The following DTNA variants were observed in gnomAD, a reference collection of about 807,000 sequenced individuals.
The protein encoded by DTNA is dystrophin-related protein 3.
DTNA carries 43 observed loss-of-function variants against 100.7 expected under a neutral mutation model. That is an observed-to-expected ratio of 0.43 (90% CI 0.33 to 0.55). The LOEUF (loss-of-function observed/expected upper bound fraction) is 0.55. Among genes scored for constraint, DTNA ranks in the 20% least tolerant of loss-of-function variants. The probability of loss-of-function intolerance (pLI) is 0.04; values close to 1 mark genes in which losing one functional copy is unlikely to be tolerated. For missense variants in DTNA, 798 were observed against 953.9 expected, an observed-to-expected ratio of 0.84 and a Z score of 2.15; for synonymous variants, 349 against 347.9, an observed-to-expected ratio of 1.00 and a Z score of -0.04.
intron 1 of DTNA, among the ~76,000 whole-genome samples, chr18:34,676,877 C>G (rs1485851816): frequency 1.3e-5 from 2 of 152,096 alleles, no homozygotes; most frequent in East Asian, 3.9e-4. Flanking sequence ...ATTTGTATTC[C>G]CACCCAATGT....
chr18:34,865,715 G>A (rs535368347), intron 17 of DTNA, among the ~76,000 whole-genome samples: 1 of 152,262 alleles, frequency 6.6e-6, no homozygotes, highest in African/African-American at 2.4e-5. Context: ...TCCCCTCAGT[G>A]AATGACAGGA....
At chr18:34,632,478 T>G (rs2058194839) in intron 1 of DTNA, among the ~76,000 whole-genome samples, 1 of 152,188 alleles carries the variant, frequency 6.6e-6, no homozygotes, top group African/African-American at 2.4e-5. Flanking sequence ...CCTAGTGCTA[T>G]TTTGGAAAAG....
chr18:34,697,645 A>G (rs2080767360), intron 1 of DTNA, among the ~76,000 whole-genome samples: 1 of 152,152 alleles, frequency 6.6e-6, no homozygotes. Flanking sequence ...GAGTGCAGAA[A>G]AGGCCTAATT....
intron 1 of DTNA, among the ~76,000 whole-genome samples, chr18:34,575,776 T>C (rs2048056414): frequency 6.6e-6 from 1 of 152,214 alleles, no homozygotes; most frequent in Admixed American, 6.5e-5. Context: ...TTGTGTAACA[T>C]CAACCATCAT....
intron 3 of DTNA, among the ~76,000 whole-genome samples, chr18:34,775,427 A>G (rs1336182930): frequency 1.3e-5 from 2 of 152,204 alleles, no homozygotes; most frequent in Non-Finnish European, 2.9e-5. Flanking sequence ...CGGAGCTTGC[A>G]GTGAGCCAAG....
At chr18:34,678,436 G>A (rs1045810946) in intron 1 of DTNA, among the ~76,000 whole-genome samples, 2 of 152,072 alleles carry the variant, frequency 1.3e-5, no homozygotes, top group African/African-American at 4.8e-5. Context: ...AAGGTGCAGA[G>A]CTGGGTTCCT....
chr18:34,598,217 CT>C (rs71159880), intron 1 of DTNA, among the ~76,000 whole-genome samples: 605 of 137,726 alleles, frequency 4.4e-3, no homozygotes, highest in Middle Eastern at 7.4e-3. Context: ...TTCTTTCTTT[CT>C]TTTTTTTTTT....
intron 12 of DTNA, 90 bp from the exon 13 acceptor site, chr18:34,838,654 CT>C: frequency 8.9e-7 from 1 of 1,128,134 alleles, no homozygotes; most frequent in African/African-American, 1.5e-5. Flanking sequence ...TTCTAAATGC[CT>C]TTTCTACCAA....
chr18:34,788,880 A>T (rs1037980056), intron 3 of DTNA, among the ~76,000 whole-genome samples: 4 of 152,242 alleles, frequency 2.6e-5, no homozygotes, highest in African/African-American at 9.6e-5. Flanking sequence ...GTAGTAGAAT[A>T]GTATGGCTTT....
chr18:34,775,550 A>G (rs1474756215), intron 3 of DTNA, among the ~76,000 whole-genome samples: 1 of 152,240 alleles, frequency 6.6e-6, no homozygotes, highest in Non-Finnish European at 1.5e-5. Context: ...GCCGTAGAAG[A>G]GAAAATCAGA....
At chr18:34,635,921 A>C (rs79513094) in intron 1 of DTNA, among the ~76,000 whole-genome samples, 1 of 152,006 alleles carries the variant, frequency 6.6e-6, no homozygotes, top group East Asian at 1.9e-4. Flanking sequence ...AAAAAAAAAA[A>C]CCTGTGAAAT....
intron 1 of DTNA, among the ~76,000 whole-genome samples, chr18:34,500,525 A>G (rs886879722): frequency 6.6e-6 from 1 of 151,304 alleles, no homozygotes; most frequent in African/African-American, 2.4e-5. Context: ...GCGCAATAGC[A>G]CGATCTATGC....
intron 1 of DTNA, among the ~76,000 whole-genome samples, chr18:34,575,299 A>C (rs2048007338): frequency 6.6e-6 from 1 of 150,426 alleles, no homozygotes. Context: ...ATATTTGATT[A>C]TTTTTTCAAG....
intron 1 of DTNA, among the ~76,000 whole-genome samples, chr18:34,599,675 T>C (rs1003015561): frequency 2.6e-5 from 4 of 152,046 alleles, no homozygotes; most frequent in Admixed American, 1.3e-4. Context: ...TGGTTGTCGT[T>C]GTTTTGTTTT....
intron 14 of DTNA, 79 bp downstream of exon 14, chr18:34,848,462 T>C (rs2096419317): frequency 5.0e-6 from 7 of 1,407,276 alleles, no homozygotes; most frequent in Non-Finnish European, 7.0e-6. Flanking sequence ...ATTGTTATTA[T>C]AGCTGGTGCT....
intron 3 of DTNA, among the ~76,000 whole-genome samples, chr18:34,781,724 G>C (rs1459315693): frequency 1.3e-5 from 2 of 152,068 alleles, no homozygotes; most frequent in African/African-American, 4.8e-5. Flanking sequence ...AAATAAAGTG[G>C]ATTTTCTGTT....
chr18:34,849,275 A>C (rs143294938), intron 14 of DTNA, among the ~76,000 whole-genome samples: 1 of 152,378 alleles, frequency 6.6e-6, no homozygotes, highest in African/African-American at 2.4e-5. Context: ...CAGGAGAATT[A>C]GATTTTAGGA....
At chr18:34,714,922 C>T (rs1474721051) in intron 1 of DTNA, among the ~76,000 whole-genome samples, 4 of 151,888 alleles carry the variant, frequency 2.6e-5, no homozygotes, top group Non-Finnish European at 4.4e-5. Context: ...ATGGATGAAA[C>T]TGGAAATCAT....
At chr18:34,561,198 C>T (rs1459371411) in intron 1 of DTNA, among the ~76,000 whole-genome samples, 1 of 152,044 alleles carries the variant, frequency 6.6e-6, no homozygotes, top group East Asian at 1.9e-4. Flanking sequence ...ACAAACATGA[C>T]TGTGACAACG....
Sources: gnomAD v4.1 joint callset for allele counts (sites outside exome capture counted in the v4.1 genomes callset) on GRCh38, gnomAD v4.1.1 for gene constraint, MANE v1.5 for transcripts, NCBI Gene and HGNC (gene_info 2026-07-23, HGNC 2026-07-21) for gene names.